Variants in LRRC1 observed in about 807,000 individuals in gnomAD.
LRRC1 encodes leucine-rich repeat-containing protein 1.
Under a neutral mutation model 69.9 loss-of-function variants are expected in LRRC1, and 28 were observed. The observed-to-expected ratio is 0.40, with a 90% CI of 0.30 to 0.55. The LOEUF (loss-of-function observed/expected upper bound fraction) is 0.55, where lower values mean the gene tolerates loss of function less well. LRRC1 is among the 20% of genes least tolerant of loss of function. LRRC1 has a pLI of 0.47. For synonymous variants in LRRC1, 236 were observed against 240.2 expected, an observed-to-expected ratio of 0.98 and a Z score of 0.16; for missense variants, 498 against 609.0, an observed-to-expected ratio of 0.82 and a Z score of 1.92.
At chr6:53,868,053 T>C (rs1323628684) in intron 2 of LRRC1, among the ~76,000 whole-genome samples, 1 of 152,116 alleles carries the variant, frequency 6.6e-6, no homozygotes, top group African/African-American at 2.4e-5. Flanking sequence ...AATGAGTAGA[T>C]GAAAATCTCA....
At position 53,923,095 on chromosome 6, in the gene LRRC1, G is replaced by A; in HGVS notation, c.*302G>A. The A allele has an allele frequency of 4.4e-6, 1 of 226,622 alleles. No homozygotes were observed. Among genetic ancestry groups the A allele is most frequent in the Non-Finnish European group, 8.6e-6 (1 of 116,900 alleles). 14.0% of individuals were successfully genotyped at this position (226,622 alleles called of 1,614,324 possible). On this transcript the variant is annotated 3_prime_UTR_variant, in exon 14 of 14. Coordinates refer to ENST00000370888, the MANE Select transcript of LRRC1 (RefSeq NM_018214.5). ...TCTTATGTTGGGGTAAAGGAAAGCA[G>A]GAAGGGGAATTTTTATCCTCCTCCC...
intron 10 of LRRC1, among the ~76,000 whole-genome samples, chr6:53,910,732 T>C (rs1214092498): frequency 6.6e-6 from 1 of 152,250 alleles, no homozygotes; most frequent in Non-Finnish European, 1.5e-5. Context: ...TTGGTTAAAG[T>C]AACATATCCA....
intron 1 of LRRC1, among the ~76,000 whole-genome samples, chr6:53,798,087 G>A (rs1027831806): frequency 6.6e-6 from 1 of 152,226 alleles, no homozygotes; most frequent in African/African-American, 2.4e-5. Context: ...TTGGGAGGAA[G>A]CAGATGATTT....
intron 2 of LRRC1, among the ~76,000 whole-genome samples, chr6:53,842,595 A>G (rs1029801684): frequency 3.3e-5 from 5 of 152,194 alleles, no homozygotes; most frequent in Admixed American, 6.5e-5. Context: ...CTGGGCAATC[A>G]TTTAACCTTG....
chr6:53,902,464 T>G (rs904344882), intron 8 of LRRC1, among the ~76,000 whole-genome samples, 165 bp from the exon 9 acceptor site: 10 of 152,184 alleles, frequency 6.6e-5, no homozygotes, highest in African/African-American at 2.4e-4. Flanking sequence ...ACTCCCAACC[T>G]TCAGTGATCT....
chr6:53,871,469 G>A (rs1015599606), intron 2 of LRRC1, among the ~76,000 whole-genome samples: 2 of 151,942 alleles, frequency 1.3e-5, no homozygotes, highest in African/African-American at 4.8e-5. Flanking sequence ...CAGATCTTAT[G>A]TTCATTTTTA....
intron 1 of LRRC1, among the ~76,000 whole-genome samples, chr6:53,802,430 CATCCAAA>C (rs1764513838): frequency 6.6e-6 from 1 of 152,144 alleles, no homozygotes. Context: ...TGTGCTGACC[CATCCAAA>C]GTGCTTCATA....
At chr6:53,875,112 C>T (rs573366652) in intron 2 of LRRC1, among the ~76,000 whole-genome samples, 19 of 152,234 alleles carry the variant, frequency 1.2e-4, no homozygotes, top group South Asian at 8.3e-4. Flanking sequence ...AGTTGCTGCT[C>T]GCAAAAGCAA....
intron 2 of LRRC1, among the ~76,000 whole-genome samples, chr6:53,855,996 C>T: frequency 6.6e-6 from 1 of 152,198 alleles, no homozygotes; most frequent in East Asian, 1.9e-4. Flanking sequence ...GGAGCCCTTT[C>T]TCACTGCCAG....
intron 1 of LRRC1, among the ~76,000 whole-genome samples, chr6:53,797,896 A>T (rs536272748): frequency 6.6e-6 from 1 of 152,262 alleles, no homozygotes; most frequent in East Asian, 1.9e-4. Flanking sequence ...AGCCAAATAC[A>T]ATTGCTTTGG....
intron 1 of LRRC1, among the ~76,000 whole-genome samples, chr6:53,817,707 A>G (rs1209068453): frequency 1.3e-5 from 2 of 152,286 alleles, no homozygotes; most frequent in African/African-American, 2.4e-5. Context: ...GGTTCCACAT[A>G]CTATAGGCAT....
chr6:53,815,369 T>A (rs2127407001), intron 1 of LRRC1, among the ~76,000 whole-genome samples: 1 of 152,338 alleles, frequency 6.6e-6, no homozygotes, highest in South Asian at 2.1e-4. Flanking sequence ...GATGGTTCCA[T>A]CAGGCACGGC....
At chr6:53,913,731 C>T (rs1452002413) in intron 10 of LRRC1, 123 bp from the exon 11 acceptor site, 17 of 493,978 alleles carry the variant, frequency 3.4e-5, no homozygotes, top group Middle Eastern at 5.4e-4. Context: ...TCAGTGAGAC[C>T]GGTGAGTTAT....
At chr6:53,859,421 T>G (rs1487203417) in intron 2 of LRRC1, among the ~76,000 whole-genome samples, 1 of 152,176 alleles carries the variant, frequency 6.6e-6, no homozygotes, top group African/African-American at 2.4e-5. Context: ...GCATGCAACT[T>G]TAAGAAAATT....
intron 4 of LRRC1, among the ~76,000 whole-genome samples, chr6:53,887,751 A>G (rs968790045): frequency 6.6e-5 from 10 of 152,014 alleles, no homozygotes; most frequent in African/African-American, 2.2e-4. Context: ...ACCTTTTTGC[A>G]TATTTGCAAT....
chr6:53,837,067 T>A (rs1765632716), intron 1 of LRRC1, among the ~76,000 whole-genome samples: 1 of 152,210 alleles, frequency 6.6e-6, no homozygotes, highest in Non-Finnish European at 1.5e-5. Flanking sequence ...TCATTTTCAT[T>A]GCTGTGTAGA....
chr6:53,901,686 T>C (rs1306399580), intron 8 of LRRC1, among the ~76,000 whole-genome samples: 1 of 152,228 alleles, frequency 6.6e-6, no homozygotes, highest in Non-Finnish European at 1.5e-5. Context: ...GTGAGATGTT[T>C]CGGTGCTTGG....
chr6:53,846,551 A>G (rs891911276), intron 2 of LRRC1, among the ~76,000 whole-genome samples: 1 of 152,236 alleles, frequency 6.6e-6, no homozygotes, highest in Non-Finnish European at 1.5e-5. Context: ...AGAGTCAAGG[A>G]AAGTGACACA....
chr6:53,906,037 T>C (rs1281834510), intron 10 of LRRC1, among the ~76,000 whole-genome samples: 1 of 152,236 alleles, frequency 6.6e-6, no homozygotes, highest in Non-Finnish European at 1.5e-5. Flanking sequence ...TAAACACACA[T>C]ACAGATGTAG....
Sources: gnomAD v4.1 joint callset for allele counts (sites outside exome capture counted in the v4.1 genomes callset) on GRCh38, gnomAD v4.1.1 for gene constraint, MANE v1.5 for transcripts, NCBI Gene and HGNC (gene_info 2026-07-23, HGNC 2026-07-21) for gene names.